The following MAOB variants were observed in gnomAD, a reference collection of about 807,000 sequenced individuals.
MAOB encodes monoamine oxidase B.
Under a neutral mutation model 41.9 loss-of-function variants are expected in MAOB, and 15 were observed. That is an observed-to-expected ratio of 0.36 (90% CI 0.24 to 0.55). The LOEUF (loss-of-function observed/expected upper bound fraction) is 0.55, where lower values mean the gene tolerates loss of function less well. Ranked by LOEUF, MAOB falls within the 20% of genes least tolerant of loss-of-function variation. The pLI is 0.86. For missense variants in MAOB, 345 were observed against 398.7 expected, an observed-to-expected ratio of 0.87 and a Z score of 1.15; for synonymous variants, 167 against 144.2, an observed-to-expected ratio of 1.16 and a Z score of -1.13.
intron 1 of MAOB, among the ~76,000 whole-genome samples, chrX:43,864,192 C>T (rs186217280): frequency 5.4e-5 from 6 of 111,175 alleles, no homozygotes; most frequent in Non-Finnish European, 7.6e-5. Context: ...TGTAAGTAAA[C>T]GCATTTCATA....
chrX:43,768,754 A>G, intron 13 of MAOB, 38 bp from the exon 14 acceptor site: 1 of 1,086,115 alleles, frequency 9.2e-7, no homozygotes, highest in Non-Finnish European at 1.3e-6. Context: ...AGCAAAAGTG[A>G]CACCATCTTT....
chrX:43,856,864 G>A (rs112115430), intron 1 of MAOB, among the ~76,000 whole-genome samples: 1,931 of 107,495 alleles, frequency 0.018, 66 homozygotes, highest in African/African-American at 0.061. Context: ...AAATCCACAT[G>A]TAAGTGGACC....
intron 1 of MAOB, among the ~76,000 whole-genome samples, chrX:43,845,543 C>T (rs1468401849): frequency 3.6e-5 from 4 of 111,863 alleles, no homozygotes; most frequent in African/African-American, 1.3e-4. Flanking sequence ...TGACCAAGGT[C>T]GCATAAGGAG....
At chrX:43,876,594 C>T (rs1052986330) in intron 1 of MAOB, among the ~76,000 whole-genome samples, 3 of 112,226 alleles carry the variant, frequency 2.7e-5, no homozygotes, top group Admixed American at 1.9e-4. Flanking sequence ...TCCCAGGCCT[C>T]CAATGCCCTT....
intron 2 of MAOB, among the ~76,000 whole-genome samples, 158 bp downstream of exon 2, chrX:43,843,512 G>C (rs903437559): frequency 9.0e-6 from 1 of 110,531 alleles, no homozygotes; most frequent in Non-Finnish European, 1.9e-5. Context: ...GAATTGAAAG[G>C]AAGGCAAACT....
chrX:43,776,110 G>A (rs746883532), intron 11 of MAOB, among the ~76,000 whole-genome samples: 2 of 112,092 alleles, frequency 1.8e-5, no homozygotes, highest in Non-Finnish European at 3.8e-5. Flanking sequence ...CACGCTACAC[G>A]CCCCAGCACC....
At chrX:43,798,621 T>A (rs1051404565) in intron 5 of MAOB, among the ~76,000 whole-genome samples, 5 of 111,938 alleles carry the variant, frequency 4.5e-5, no homozygotes, top group African/African-American at 1.6e-4. Context: ...TAGCACAGCA[T>A]AAAATTCATC....
At chrX:43,800,506 C>T (rs941519802) in intron 5 of MAOB, among the ~76,000 whole-genome samples, 8 of 111,109 alleles carry the variant, frequency 7.2e-5, no homozygotes, top group Non-Finnish European at 1.1e-4. Flanking sequence ...ATTAATAACA[C>T]GCATTGATTT....
At chrX:43,791,991 A>G (rs753426482) in intron 8 of MAOB, among the ~76,000 whole-genome samples, 30 of 112,169 alleles carry the variant, frequency 2.7e-4, no homozygotes, top group African/African-American at 9.7e-4. Context: ...TTAATTTAAT[A>G]TGGTAGAATC....
chrX:43,835,757 T>C (rs888988067), intron 3 of MAOB, among the ~76,000 whole-genome samples: 2 of 111,350 alleles, frequency 1.8e-5, no homozygotes, highest in African/African-American at 6.5e-5. Flanking sequence ...GGAGTCATCC[T>C]CTCTTGAGGA....
At chrX:43,828,371 C>CT (rs989210004) in intron 3 of MAOB, among the ~76,000 whole-genome samples, 9 of 111,111 alleles carry the variant, frequency 8.1e-5, no homozygotes, top group East Asian at 2.8e-4. Context: ...AGCTTTAATA[C>CT]TTTTTTTTAA....
intron 1 of MAOB, among the ~76,000 whole-genome samples, chrX:43,853,335 C>A (rs1276825401): frequency 9.2e-5 from 10 of 108,652 alleles, no homozygotes; most frequent in African/African-American, 3.0e-4. Context: ...GGGAAAGTTC[C>A]CCTGTTTTTT....
chrX:43,800,980 A>G (rs2034585945), intron 5 of MAOB, among the ~76,000 whole-genome samples: 1 of 110,490 alleles, frequency 9.1e-6, no homozygotes, highest in Admixed American at 9.7e-5. Flanking sequence ...CAAGTACTCA[A>G]TTTTTTAGAT....
intron 10 of MAOB, among the ~76,000 whole-genome samples, chrX:43,779,766 G>A (rs1319909354): frequency 1.8e-5 from 2 of 111,694 alleles, no homozygotes; most frequent in Non-Finnish European, 3.8e-5. Flanking sequence ...GAATCGGAAA[G>A]CATGCATCAT....
chrX:43,818,817 T>A (rs2034848558), intron 3 of MAOB, among the ~76,000 whole-genome samples: 1 of 112,069 alleles, frequency 8.9e-6, no homozygotes, highest in Non-Finnish European at 1.9e-5. Context: ...TAAGACATAG[T>A]TCCAGGCTCC....
At chrX:43,865,057 C>T (rs149453022) in intron 1 of MAOB, among the ~76,000 whole-genome samples, 2,862 of 111,388 alleles carry the variant, frequency 0.026, 79 homozygotes, top group African/African-American at 0.086. Flanking sequence ...GGGTATATAC[C>T]GAAGAGAAAT....
chrX:43,878,739 C>T (rs765645500), intron 1 of MAOB, among the ~76,000 whole-genome samples: 11 of 110,824 alleles, frequency 9.9e-5, no homozygotes, highest in Non-Finnish European at 1.5e-4. Flanking sequence ...CCACCACACA[C>T]CTCAACTCAT....
rs1166140004 is a variant in MAOB, at chrX:43,780,479, G to A, written c.1026-84C>T. 3 of 628,397 alleles carry A rather than the reference G, an allele frequency of 4.8e-6. No individual in the cohort carries two copies. The African/African-American group carries it at 6.6e-5, about 14-fold the overall frequency. 51.8% of individuals were successfully genotyped at this position (628,397 alleles called of 1,213,427 possible). A position where few individuals can be genotyped will look rare whatever the true frequency, so the allele number is the denominator to read the frequency against. Reference sequence around the variant, plus strand: ...ATTTTCGTAGCTACACATGTGCCCAGTTTACACAGTTAAGTCAACCAAAAG... The same window carrying A: ...ATTTTCGTAGCTACACATGTGCCCAATTTACACAGTTAAGTCAACCAAAAG... On this transcript the variant is annotated intron_variant, in intron 9 of 14. Transcript: ENST00000378069.
intron 1 of MAOB, among the ~76,000 whole-genome samples, chrX:43,855,328 C>CCCAT (rs1433173448): frequency 9.0e-6 from 1 of 111,513 alleles, no homozygotes; most frequent in Non-Finnish European, 1.9e-5. Flanking sequence ...ACTGTACAGT[C>CCCAT]CCATCCTAAC....
Sources: allele counts gnomAD v4.1 joint callset (sites outside exome capture counted in the v4.1 genomes callset), GRCh38; gene constraint gnomAD v4.1.1; transcripts MANE v1.5; gene names NCBI Gene and HGNC (gene_info 2026-07-23, HGNC 2026-07-21).